The following GRM7 variants were observed in gnomAD, a reference collection of about 807,000 sequenced individuals.
GRM7 encodes glutamate metabotropic receptor 7.
A neutral mutation model predicts 84.5 loss-of-function variants in GRM7; 35 were observed. The observed-to-expected ratio is 0.41, with a 90% confidence interval of 0.32 to 0.55. The LOEUF (loss-of-function observed/expected upper bound fraction) is 0.55. GRM7 is among the 20% of genes least tolerant of loss of function. GRM7 has a pLI of 0.19. For missense variants in GRM7, 1,003 were observed against 1,194.6 expected (o/e 0.84, Z 2.36); for synonymous variants, 487 against 455.1 (o/e 1.07, Z -0.89).
intron 9 of GRM7, among the ~76,000 whole-genome samples, chr3:7,723,849 C>A (rs569549047): frequency 3.8e-4 from 58 of 151,966 alleles, no homozygotes; most frequent in African/African-American, 1.4e-3. Context: ...CACCCCACCC[C>A]AAAAACATTT....
chr3:7,348,306 G>T (rs1692981643), intron 4 of GRM7, among the ~76,000 whole-genome samples: 1 of 151,816 alleles, frequency 6.6e-6, no homozygotes, highest in Admixed American at 6.6e-5. Context: ...TGCCTTATTG[G>T]CATGCCCCAA....
intron 2 of GRM7, among the ~76,000 whole-genome samples, chr3:7,284,713 C>A (rs977192997): frequency 2.0e-5 from 3 of 151,904 alleles, no homozygotes; most frequent in African/African-American, 7.3e-5. Flanking sequence ...TGGTCTTGGG[C>A]AAATCATTTT....
At chr3:7,055,056 A>G (rs1284831965) in intron 1 of GRM7, among the ~76,000 whole-genome samples, 6 of 151,916 alleles carry the variant, frequency 3.9e-5, no homozygotes, top group Admixed American at 1.3e-4. Context: ...TTTTGTATCA[A>G]TCTTTTTTTG....
intron 4 of GRM7, 48 bp from the exon 5 acceptor site, chr3:7,414,975 G>T: frequency 6.8e-7 from 1 of 1,478,686 alleles, no homozygotes; most frequent in Non-Finnish European, 9.2e-7. Flanking sequence ...TTCTGAATGT[G>T]CCAGCAGTGC....
At chr3:7,476,265 G>T (rs143696089) in intron 7 of GRM7, among the ~76,000 whole-genome samples, 8 of 152,252 alleles carry the variant, frequency 5.3e-5, no homozygotes, top group African/African-American at 1.9e-4. Flanking sequence ...AAGTGACTAG[G>T]GGCTGGGCGC....
At chr3:6,877,974 G>A (rs1467885804) in intron 1 of GRM7, among the ~76,000 whole-genome samples, 1 of 150,210 alleles carries the variant, frequency 6.7e-6, no homozygotes, top group African/African-American at 2.4e-5. Flanking sequence ...ACAGATCTGT[G>A]GTTACAACTC....
chr3:7,139,058 A>G (rs1317864571), intron 1 of GRM7, among the ~76,000 whole-genome samples: 2 of 147,672 alleles, frequency 1.4e-5, no homozygotes, highest in Admixed American at 6.8e-5. Context: ...TATAATATAT[A>G]GTACATTATA....
chr3:7,551,248 A>G (rs1181569149), intron 7 of GRM7, among the ~76,000 whole-genome samples: 2 of 152,222 alleles, frequency 1.3e-5, no homozygotes, highest in African/African-American at 4.8e-5. Flanking sequence ...GCCCACATTA[A>G]AAATTGAAGA....
At chr3:7,673,216 A>C (rs1230749123) in intron 8 of GRM7, among the ~76,000 whole-genome samples, 2 of 152,324 alleles carry the variant, frequency 1.3e-5, no homozygotes, top group East Asian at 3.9e-4. Context: ...AGAAGCACAC[A>C]AATAGAAAAA....
chr3:7,048,632 A>C (rs950784535), intron 1 of GRM7, among the ~76,000 whole-genome samples: 1 of 151,976 alleles, frequency 6.6e-6, no homozygotes, highest in Non-Finnish European at 1.5e-5. Context: ...ATTGTACAAC[A>C]TAAAGGTTTT....
At chr3:7,364,349 A>G (rs1387957973) in intron 4 of GRM7, among the ~76,000 whole-genome samples, 2 of 151,770 alleles carry the variant, frequency 1.3e-5, no homozygotes, top group African/African-American at 4.8e-5. Context: ...TGAGGCATTT[A>G]TAAATATGTT....
At chr3:7,729,317 T>C (rs1702231271) in intron 9 of GRM7, among the ~76,000 whole-genome samples, 2 of 152,224 alleles carry the variant, frequency 1.3e-5, no homozygotes, top group Admixed American at 6.5e-5. Context: ...GAACGTGTCC[T>C]TTTCTCAGAC....
intron 7 of GRM7, among the ~76,000 whole-genome samples, chr3:7,529,497 G>T (rs973694869): frequency 6.6e-6 from 1 of 152,116 alleles, no homozygotes; most frequent in Non-Finnish European, 1.5e-5. Context: ...TTAGGAGAGA[G>T]TCTTAAGAGT....
At chr3:7,707,440 A>G (rs1455885645) in intron 9 of GRM7, among the ~76,000 whole-genome samples, 2 of 152,144 alleles carry the variant, frequency 1.3e-5, no homozygotes, top group Non-Finnish European at 2.9e-5. Context: ...CCTGTTTAGC[A>G]TGACTGCCCA....
intron 2 of GRM7, among the ~76,000 whole-genome samples, chr3:7,283,572 G>A (rs187669757): frequency 1.6e-4 from 25 of 152,188 alleles, no homozygotes; most frequent in Admixed American, 1.2e-3. Context: ...AAGATTTTCC[G>A]TTCAATGTAA....
chr3:7,416,289 T>G (rs1162090259), intron 5 of GRM7, among the ~76,000 whole-genome samples: 1 of 152,160 alleles, frequency 6.6e-6, no homozygotes, highest in Non-Finnish European at 1.5e-5. Context: ...TGACATGATC[T>G]ACCATCTTAT....
intron 1 of GRM7, among the ~76,000 whole-genome samples, chr3:7,002,367 C>G (rs945248605): frequency 2.0e-5 from 3 of 152,156 alleles, no homozygotes; most frequent in African/African-American, 7.2e-5. Flanking sequence ...ATGAGCCTAA[C>G]AGATTCATTA....
chr3:7,360,334 A>C (rs1035720421), intron 4 of GRM7, among the ~76,000 whole-genome samples: 1 of 131,584 alleles, frequency 7.6e-6, no homozygotes, highest in Admixed American at 7.5e-5. Context: ...TTGGACTTTT[A>C]AAGAAGGAAG....
At chr3:7,403,772 T>C (rs1695558721) in intron 4 of GRM7, among the ~76,000 whole-genome samples, 3 of 150,970 alleles carry the variant, frequency 2.0e-5, no homozygotes, top group African/African-American at 7.3e-5. Context: ...TATAAGAATA[T>C]ACATGTGTAT....
Sources: allele counts gnomAD v4.1 joint callset (sites outside exome capture counted in the v4.1 genomes callset), GRCh38; gene constraint gnomAD v4.1.1; transcripts MANE v1.5; gene names NCBI Gene and HGNC (gene_info 2026-07-23, HGNC 2026-07-21).